SLC35F4: variants seen among roughly 807,000 people sequenced by gnomAD.
The protein encoded by SLC35F4 is solute carrier family 35 member F4.
In SLC35F4, 24 loss-of-function variants were observed where a neutral mutation model predicts 44.2. The observed-to-expected ratio is 0.54, with a 90% CI of 0.39 to 0.76. The LOEUF (loss-of-function observed/expected upper bound fraction) is 0.76. Ranked by LOEUF, SLC35F4 falls within the 30% of genes least tolerant of loss-of-function variation. The pLI is 0.00. For missense variants in SLC35F4, 562 were observed against 586.1 expected, an observed-to-expected ratio of 0.96 and a Z score of 0.42; for synonymous variants, 238 against 223.6, an observed-to-expected ratio of 1.06 and a Z score of -0.57.
intron 1 of SLC35F4, among the ~76,000 whole-genome samples, chr14:57,734,703 GA>G (rs1457893216): frequency 1.3e-5 from 2 of 151,752 alleles, no homozygotes; most frequent in Non-Finnish European, 2.9e-5. Context: ...ACCAAATTTG[GA>G]AAAAGAAAAG....
At chr14:57,577,339 G>GCTAA (rs1800922195) in intron 4 of SLC35F4, among the ~76,000 whole-genome samples, 7 of 152,152 alleles carry the variant, frequency 4.6e-5, no homozygotes, top group Admixed American at 4.6e-4. Context: ...AGTTTGGGAA[G>GCTAA]CTAACTAACT....
chr14:57,828,708 CG>C (rs1390204343), intron 1 of SLC35F4, among the ~76,000 whole-genome samples: 2 of 152,148 alleles, frequency 1.3e-5, no homozygotes, highest in Non-Finnish European at 2.9e-5. Context: ...TCATTCCACA[CG>C]TGGCTGGTGA....
intron 1 of SLC35F4, among the ~76,000 whole-genome samples, chr14:57,816,362 C>T (rs560018557): frequency 7.3e-4 from 111 of 152,228 alleles, no homozygotes; most frequent in Non-Finnish European, 1.1e-3. Context: ...ACAGGATCCA[C>T]CCCCACTCTT....
intron 1 of SLC35F4, among the ~76,000 whole-genome samples, chr14:57,839,697 G>A (rs1242998675): frequency 6.6e-6 from 1 of 151,944 alleles, no homozygotes; most frequent in African/African-American, 2.4e-5. Context: ...AACCACCATG[G>A]CACATGTTTA....
At chr14:57,681,257 A>T (rs1459030919) in intron 1 of SLC35F4, among the ~76,000 whole-genome samples, 1 of 152,032 alleles carries the variant, frequency 6.6e-6, no homozygotes, top group Non-Finnish European at 1.5e-5. Context: ...ACCTGATGAA[A>T]ACAAGCAATG....
chr14:57,836,720 G>C lies in SLC35F4; in HGVS notation c.103+29003C>G, dbSNP rs1280881832. Reference sequence around the variant, plus strand: ...GCCCATGACCAATCTTGTTTCCTTTGTACTCCCCTAAGCACCACCGCTACC... The same window carrying C: ...GCCCATGACCAATCTTGTTTCCTTTCTACTCCCCTAAGCACCACCGCTACC... On this transcript the variant is annotated intron_variant, in intron 1 of 7. Transcript: ENST00000556826. Among the ~76,000 whole-genome samples, 3 of 151,748 alleles carry C rather than the reference G, an allele frequency of 2.0e-5. No individual in the cohort carries two copies. In the East Asian group the frequency reaches 5.8e-4, roughly 29 times the overall value.
chr14:57,982,798 C>G (rs1881421870), upstream of SLC35F4, among the ~76,000 whole-genome samples: 1 of 152,174 alleles, frequency 6.6e-6, no homozygotes, highest in African/African-American at 2.4e-5. Context: ...ACCCTTGCTT[C>G]TGGAGGACAC....
intron 1 of SLC35F4, among the ~76,000 whole-genome samples, chr14:57,608,753 C>T (rs2071307845): frequency 7.1e-6 from 1 of 140,752 alleles, no homozygotes; most frequent in South Asian, 2.2e-4. Flanking sequence ...GGATATGAAC[C>T]TGTTAAAAAA....
chr14:57,571,840 C>T (rs957416923), intron 5 of SLC35F4, 54 bp downstream of exon 5: 12 of 1,576,590 alleles, frequency 7.6e-6, no homozygotes, highest in Non-Finnish European at 8.6e-6. Flanking sequence ...TACTTTAGTA[C>T]TCAAGTCTAA....
chr14:57,950,687 T>TTTTTTTTTTTTTA (rs1890120928), intron 1 of SLC35F4, among the ~76,000 whole-genome samples: 1 of 150,622 alleles, frequency 6.6e-6, no homozygotes, highest in African/African-American at 2.4e-5. Context: ...TTTTTTTTTT[T>TTTTTTTTTTTTTA]GAGACAGAGT....
chr14:57,696,983 C>T (rs552936861), intron 1 of SLC35F4, among the ~76,000 whole-genome samples: 1 of 152,072 alleles, frequency 6.6e-6, no homozygotes, highest in African/African-American at 2.4e-5. Flanking sequence ...GGACTTAAAC[C>T]CTAGATGACG....
intron 5 of SLC35F4, among the ~76,000 whole-genome samples, chr14:57,570,450 G>A (rs926641540): frequency 1.3e-5 from 2 of 152,168 alleles, no homozygotes; most frequent in Non-Finnish European, 2.9e-5. Context: ...GGATTTATAA[G>A]CAGTTTTCTT....
At chr14:57,594,239 G>C (rs1335143609) in intron 1 of SLC35F4, 115 bp from the exon 2 acceptor site, 1 of 1,032,372 alleles carries the variant, frequency 9.7e-7, no homozygotes, top group Non-Finnish European at 1.4e-6. Flanking sequence ...ACCCAGGCTA[G>C]AGTGCAGTGG....
chr14:57,750,097 G>A (rs1256238568), intron 1 of SLC35F4, among the ~76,000 whole-genome samples: 1 of 151,648 alleles, frequency 6.6e-6, no homozygotes, highest in Non-Finnish European at 1.5e-5. Flanking sequence ...ATGGCCATAT[G>A]TACACATTTT....
intron 1 of SLC35F4, among the ~76,000 whole-genome samples, chr14:57,771,511 C>T (rs1480277173): frequency 6.6e-6 from 1 of 152,234 alleles, no homozygotes; most frequent in Admixed American, 6.5e-5. Context: ...GCTCTATACA[C>T]ATAGAATCTG....
chr14:57,790,512 C>T (rs1029700365), intron 1 of SLC35F4, among the ~76,000 whole-genome samples: 2 of 152,172 alleles, frequency 1.3e-5, no homozygotes, highest in Non-Finnish European at 2.9e-5. Context: ...AAAAACATTT[C>T]ATGCTCGTGG....
At chr14:57,876,729 C>G (rs1888407145) in intron 1 of SLC35F4, among the ~76,000 whole-genome samples, 1 of 152,104 alleles carries the variant, frequency 6.6e-6, no homozygotes, top group African/African-American at 2.4e-5. Flanking sequence ...AAATTTTCAT[C>G]TAAAATCTCA....
chr14:57,917,325 C>G (rs1469792524), intron 1 of SLC35F4, among the ~76,000 whole-genome samples: 1 of 152,210 alleles, frequency 6.6e-6, no homozygotes, highest in Non-Finnish European at 1.5e-5. Context: ...TCCCAAAGTG[C>G]TGGGATTACA....
rs72624729 is a variant in SLC35F4, at chr14:57,857,419, A to T, written c.103+8304T>A. Among the ~76,000 whole-genome samples the T allele has an allele frequency of 0.024, 3,589 of 152,146 alleles. 451 individuals are homozygous for T. The East Asian group carries it at 0.4, about 17-fold the overall frequency. On this transcript the variant is annotated intron_variant, in intron 1 of 7. Transcript: ENST00000556826. ...AGTGTATTCTCATTCTTTAAAGTAC[A>T]TCTATTTGATTCATTCATTGCTGGT... is the stretch of plus-strand genomic sequence containing the variant.
Sources: allele counts gnomAD v4.1 joint callset (sites outside exome capture counted in the v4.1 genomes callset), GRCh38; gene constraint gnomAD v4.1.1; transcripts MANE v1.5; gene names NCBI Gene and HGNC (gene_info 2026-07-23, HGNC 2026-07-21).